TAF11L11: variants seen among roughly 807,000 people sequenced by gnomAD.
TAF11L11 encodes the protein TATA-box binding protein associated factor 11 like 11.
rs180763186 is a variant in TAF11L11, at chr5:17,604,428, A to C, written c.-353A>C. On this transcript the variant is annotated 5_prime_UTR_variant, in exon 1 of 1. An upstream start codon of the reference 5' UTR is lost. Transcript: ENST00000510838. Reference sequence around the variant, plus strand: ...GCCAGACCCATCCTGGAGGTCCCTCATGTGACTCTGAGCAGGAGGCAGTCA... The same window carrying C: ...GCCAGACCCATCCTGGAGGTCCCTCCTGTGACTCTGAGCAGGAGGCAGTCA... 2,160 of 165,388 alleles carry C rather than the reference A, an allele frequency of 0.013. 73 individuals carry two copies. The highest frequency in any genetic ancestry group is 0.016 in the Non-Finnish European group (1,228 of 77,358). The allele number at this position is 165,388 out of a possible 1,614,324, so 10.2% of individuals were successfully genotyped here.
exon 1 of TAF11L11, chr5:17,604,421 G>T (rs1275389937): frequency 6.1e-6 from 1 of 164,224 alleles, no homozygotes; most frequent in Non-Finnish European, 1.3e-5. Context: ...CATCCTGGAG[G>T]TCCCTCATGT....
the TAF11L11 span, chr5:17,605,281 GC>G: frequency 2.5e-6 from 1 of 394,562 alleles, no homozygotes. Context: ...GGGGAGAAAC[GC>G]CCCCGCTGCA....
chr5:17,604,558 C>G, exon 1 of TAF11L11: 1 of 265,272 alleles, frequency 3.8e-6, no homozygotes, highest in Non-Finnish European at 7.0e-6. Context: ...TACTCTCCAT[C>G]CACAAGTTTC....
chr5:17,605,665 AG>A (rs1207873319), downstream of TAF11L11, among the ~76,000 whole-genome samples: 1 of 151,442 alleles, frequency 6.6e-6, no homozygotes, highest in African/African-American at 2.4e-5. Context: ...TCCTGTGGAC[AG>A]GTAGCTGCAT....
chr5:17,605,693 T>C (rs868036190), downstream of TAF11L11, among the ~76,000 whole-genome samples: 4 of 151,560 alleles, frequency 2.6e-5, no homozygotes, highest in Middle Eastern at 6.8e-3. Context: ...AGGGAAGCCC[T>C]TCCCAGGAGA....
chr5:17,605,188 G>A, exon 1 of TAF11L11: 2 of 395,526 alleles, frequency 5.1e-6, no homozygotes, highest in Middle Eastern at 6.3e-4. Flanking sequence ...CGGTGTCTGA[G>A]AACACCGCCA....
exon 1 of TAF11L11, chr5:17,605,029 G>C: frequency 2.5e-6 from 1 of 394,276 alleles, no homozygotes; most frequent in South Asian, 1.3e-4. Context: ...AGGAGAGGAA[G>C]CCCACCATGG....
downstream of TAF11L11, chr5:17,605,456 T>G (rs919548521): frequency 1.5e-5 from 6 of 389,694 alleles, 1 homozygote; most frequent in African/African-American, 1.0e-4. Flanking sequence ...CTGCATTTGC[T>G]GGAGCTTCCT....
rs1739141950 is a variant in TAF11L11, at chr5:17,605,185, T to G, written c.405T>G (p.Ser135=). 17 of 395,480 alleles carry G rather than the reference T, an allele frequency of 4.3e-5. 1 individual carries two copies. In the East Asian group the frequency reaches 6.1e-4, roughly 14 times the overall value. 24.5% of individuals were successfully genotyped at this position (395,480 alleles called of 1,614,324 possible). The change falls in exon 1 of 1, where the codon TCT becomes TCG. Residue 135 remains serine, a synonymous_variant. Transcript: ENST00000510838. ...AGTCCATCACTGGCAGATCGGTGTC[T>G]GAGAACACCGCCATTGCCATGGCTG...
rs1045660644 is a variant in TAF11L11 at position 17,604,910 on chromosome 5, A to G, written c.130A>G (p.Ser44Gly). ...CTTGGAAGAACCCAGGGATCAGGAA[A>G]GTGAGCTCAGGAGTCAGGATGTCAT... The change falls in exon 1 of 1, where the codon AGT (serine) becomes GGT (glycine). Residue 44 changes from serine to glycine, a missense_variant. Physicochemically the swap from Ser to Gly is moderately conservative, Grantham distance 56. Coordinates refer to ENST00000510838, the Ensembl canonical transcript of TAF11L11. 19 of 391,668 alleles carry G rather than the reference A, an allele frequency of 4.9e-5. 1 individual carries two copies. Among genetic ancestry groups the G allele is most frequent in the Admixed American group, 9.0e-5 (2 of 22,338 alleles). The allele number at this position is 391,668 out of a possible 1,614,324, so 24.3% of individuals were successfully genotyped here.
chr5:17,604,679 A>T (rs74496585), exon 1 of TAF11L11: 16 of 357,430 alleles, frequency 4.5e-5, no homozygotes, highest in African/African-American at 3.4e-4. Flanking sequence ...CACAGAAGCT[A>T]AACTCTTTGA....
rs1320007807 is a variant in TAF11L11 at position 17,605,098 on chromosome 5, A to G, written c.318A>G (p.Leu106=). ...TTTCTGCCATGTCTGAGGAGCAGCTATCTCGCTACGAAGTGTGTCGCCGGT... is the reference window on the plus strand; with the variant it reads ...TTTCTGCCATGTCTGAGGAGCAGCTGTCTCGCTACGAAGTGTGTCGCCGGT... The change falls in exon 1 of 1, where the codon CTA becomes CTG. Residue 106 remains leucine, a synonymous_variant. Coordinates refer to ENST00000510838, the Ensembl canonical transcript of TAF11L11. 19 of 394,770 alleles carry G rather than the reference A, an allele frequency of 4.8e-5. 1 individual carries two copies. Among genetic ancestry groups the G allele is most frequent in the African/African-American group, 3.9e-4 (19 of 48,386 alleles). 24.5% of individuals were successfully genotyped at this position (394,770 alleles called of 1,614,324 possible). A position where few individuals can be genotyped will look rare whatever the true frequency, so the allele number is the denominator to read the frequency against.
At chr5:17,605,355 A>G in exon 1 of TAF11L11, 1 of 393,886 alleles carries the variant, frequency 2.5e-6, no homozygotes, top group Non-Finnish European at 4.5e-6. Context: ...CCCAACAGCA[A>G]CTACAAAAAA....
At chr5:17,604,722 C>A in exon 1 of TAF11L11, 2 of 374,234 alleles carry the variant, frequency 5.3e-6, no homozygotes, top group Middle Eastern at 7.0e-4. Flanking sequence ...AATCGAACCA[C>A]CCCAGCCAGA....
At chr5:17,605,634 A>C (rs1312773575), downstream of TAF11L11, among the ~76,000 whole-genome samples, 1 of 151,350 alleles carries the variant, frequency 6.6e-6, no homozygotes, top group Non-Finnish European at 1.5e-5. Flanking sequence ...TGGAAGAATC[A>C]AGGTGCCTGG....
chr5:17,605,547 G>A (rs75119544), downstream of TAF11L11, among the ~76,000 whole-genome samples: 13 of 151,550 alleles, frequency 8.6e-5, no homozygotes, highest in East Asian at 7.7e-4. Flanking sequence ...AAGACAGCAG[G>A]TTGTTTCATA....
At chr5:17,605,284 C>G in exon 1 of TAF11L11, 2 of 394,406 alleles carry the variant, frequency 5.1e-6, no homozygotes, top group Non-Finnish European at 9.0e-6. Flanking sequence ...GAGAAACGCC[C>G]CCGCTGCAGC....
chr5:17,605,469 T>A, downstream of TAF11L11: 1 of 389,134 alleles, frequency 2.6e-6, no homozygotes, highest in Non-Finnish European at 4.5e-6. Context: ...AGCTTCCTTA[T>A]CTCAGTCCAC....
chr5:17,605,078 G>A (rs1739139309), exon 1 of TAF11L11: 7 of 394,520 alleles, frequency 1.8e-5, no homozygotes, highest in Non-Finnish European at 3.1e-5. Flanking sequence ...CCTGTTTTCT[G>A]CCATGTCTGA....
Sources: gnomAD v4.1 joint callset for allele counts (sites outside exome capture counted in the v4.1 genomes callset) on GRCh38, gnomAD v4.1.1 for gene constraint, MANE v1.5 for transcripts, NCBI Gene and HGNC (gene_info 2026-07-23, HGNC 2026-07-21) for gene names.